The following MICU2 variants were observed in gnomAD, a reference collection of about 807,000 sequenced individuals.
The protein encoded by MICU2 is mitochondrial calcium uptake 2.
MICU2 carries 64 observed loss-of-function variants against 60.4 expected under a neutral mutation model. That is an observed-to-expected ratio of 1.06 (90% CI 0.87 to 1.31). The LOEUF (loss-of-function observed/expected upper bound fraction) is 1.31, where lower values mean the gene tolerates loss of function less well. MICU2 is among the 50% of genes most tolerant of loss of function. The probability of loss-of-function intolerance (pLI) is 0.00; values close to 1 mark genes in which losing one functional copy is unlikely to be tolerated. For missense variants in MICU2, 569 were observed against 531.0 expected, an observed-to-expected ratio of 1.07 and a Z score of -0.70; for synonymous variants, 201 against 175.0, an observed-to-expected ratio of 1.15 and a Z score of -1.17.
chr13:21,556,381 C>T (rs1887709492), intron 2 of MICU2, among the ~76,000 whole-genome samples: 1 of 152,148 alleles, frequency 6.6e-6, no homozygotes, highest in Non-Finnish European at 1.5e-5. Context: ...TTTTCCTTAT[C>T]TCTTCACCTC....
intron 1 of MICU2, among the ~76,000 whole-genome samples, chr13:21,568,261 G>C (rs1397924909): frequency 1.3e-5 from 2 of 152,088 alleles, no homozygotes. Flanking sequence ...TCAGTTCTCT[G>C]ACCAGTATTA....
chr13:21,522,588 CTG>C lies in MICU2; in HGVS notation c.514+13_514+14del, dbSNP rs771458447. 2.2e-4 allele frequency: 343 copies of C among 1,582,460 alleles called. No homozygotes were observed. Among genetic ancestry groups the C allele is most frequent in the Non-Finnish European group, 2.9e-4 (333 of 1,162,996 alleles). Reference sequence around the variant, plus strand: ...AATTCCACATGATCTCTGAGAAAAACTGTGGGATACTTACTAGTGAGGATTGT... The same window carrying C: ...AATTCCACATGATCTCTGAGAAAAACTGGGATACTTACTAGTGAGGATTGT... On this transcript the variant is annotated intron_variant, in intron 5 of 11. Coordinates refer to ENST00000382374, the MANE Select transcript of MICU2 (RefSeq NM_152726.3).
At chr13:21,559,607 C>T (rs1224169207) in intron 2 of MICU2, among the ~76,000 whole-genome samples, 1 of 151,976 alleles carries the variant, frequency 6.6e-6, no homozygotes, top group Admixed American at 6.6e-5. Flanking sequence ...TCCTAGCAAC[C>T]TCCACCTCTT....
chr13:21,533,145 G>A (rs546851429), intron 4 of MICU2, among the ~76,000 whole-genome samples: 14 of 152,188 alleles, frequency 9.2e-5, no homozygotes, highest in African/African-American at 3.4e-4. Flanking sequence ...CAGCAGATTT[G>A]GAGGTGAGTT....
intron 4 of MICU2, chr13:21,530,888 G>T: frequency 1.3e-6 from 1 of 757,994 alleles, no homozygotes. Context: ...TACAGCGACA[G>T]AGCAGAATGG....
intron 1 of MICU2, among the ~76,000 whole-genome samples, chr13:21,578,550 T>C (rs1011911985): frequency 3.3e-5 from 5 of 152,116 alleles, no homozygotes; most frequent in African/African-American, 9.7e-5. Flanking sequence ...TGAGCCATGA[T>C]TGCGCCACTG....
chr13:21,603,252 G>A (rs920855761), intron 1 of MICU2, among the ~76,000 whole-genome samples: 12 of 152,332 alleles, frequency 7.9e-5, no homozygotes, highest in Admixed American at 7.8e-4. Context: ...GATTAAAGGC[G>A]TGTGCCACCG....
At chr13:21,524,887 ACTTG>A (rs753672376) in intron 4 of MICU2, among the ~76,000 whole-genome samples, 1 of 152,086 alleles carries the variant, frequency 6.6e-6, no homozygotes, top group Non-Finnish European at 1.5e-5. Flanking sequence ...TCCTTTTGTG[ACTTG>A]CTTATTTCAC....
chr13:21,502,275 C>T (rs1474638952), intron 9 of MICU2, among the ~76,000 whole-genome samples: 4 of 151,922 alleles, frequency 2.6e-5, no homozygotes, highest in Admixed American at 2.6e-4. Flanking sequence ...ACATAAAATA[C>T]ATGTCCATTG....
intron 3 of MICU2, 40 bp downstream of exon 3, chr13:21,539,617 T>C (rs778885214): frequency 4.3e-6 from 7 of 1,613,652 alleles, no homozygotes; most frequent in Non-Finnish European, 5.9e-6. Context: ...TTTTCTATCT[T>C]ACCAAAAACA....
chr13:21,542,144 G>T (rs1004863311), intron 2 of MICU2, among the ~76,000 whole-genome samples: 1 of 152,080 alleles, frequency 6.6e-6, no homozygotes, highest in Non-Finnish European at 1.5e-5. Context: ...AGAGGTTGTG[G>T]TGTTTCTAAT....
intron 2 of MICU2, among the ~76,000 whole-genome samples, chr13:21,553,053 T>C (rs1480145465): frequency 6.6e-6 from 1 of 152,236 alleles, no homozygotes; most frequent in Non-Finnish European, 1.5e-5. Flanking sequence ...TGATTCTTCC[T>C]ACCCATGAGC....
At chr13:21,515,735 T>C (rs1886554834) in intron 6 of MICU2, 1 of 197,174 alleles carries the variant, frequency 5.1e-6, no homozygotes, top group African/African-American at 2.3e-5. Context: ...ATTTTGAATT[T>C]AGCTATTTCT....
At chr13:21,581,108 A>C (rs528706290) in intron 1 of MICU2, among the ~76,000 whole-genome samples, 1 of 152,360 alleles carries the variant, frequency 6.6e-6, no homozygotes, top group African/African-American at 2.4e-5. Flanking sequence ...GTTTAGATCT[A>C]GCCTTTGAAA....
Position 21,604,168 on chromosome 13 carries a change from G to T in MICU2, c.-20C>A, listed in dbSNP as rs2248433. The T allele has an allele frequency of 1.3e-5, 20 of 1,536,378 alleles. No homozygotes were observed. The Admixed American group carries it at 3.9e-4, about 30-fold the overall frequency. On this transcript the variant is annotated 5_prime_UTR_variant, in exon 1 of 12. Coordinates refer to ENST00000382374, the MANE Select transcript of MICU2 (RefSeq NM_152726.3). ...CGCCATCTTTGCGGAAGCGCAGCTAGGCGGCGCTTCTCTCCCGGCGCCGCC... is the reference window on the plus strand; with the variant it reads ...CGCCATCTTTGCGGAAGCGCAGCTATGCGGCGCTTCTCTCCCGGCGCCGCC...
rs375185650 is a variant in MICU2 at position 21,495,652 on chromosome 13, C to T, written c.1043-334G>A. On this transcript the variant is annotated intron_variant, in intron 10 of 11. Transcript: ENST00000382374. ...CCGGGTTCAAGCGATTCTCTTGCCT[C>T]GGCCTCCTGAATAGCTGGGATTACA... 340 of 232,890 alleles carry T rather than the reference C, an allele frequency of 1.5e-3. 1 individual carries two copies. Among genetic ancestry groups the T allele is most frequent in the African/African-American group, 7.4e-3 (324 of 43,822 alleles). The allele number at this position is 232,890 out of a possible 1,614,324, so 14.4% of individuals were successfully genotyped here.
intron 8 of MICU2, 137 bp downstream of exon 8, chr13:21,509,867 A>T (rs1886384291): frequency 2.0e-6 from 1 of 493,594 alleles, no homozygotes; most frequent in African/African-American, 2.1e-5. Flanking sequence ...TCAGAGATAA[A>T]TACTACACAG....
intron 11 of MICU2, among the ~76,000 whole-genome samples, chr13:21,494,403 A>T (rs1885939682): frequency 6.6e-6 from 1 of 152,154 alleles, no homozygotes; most frequent in Non-Finnish European, 1.5e-5. Flanking sequence ...TCTGAACAAA[A>T]ATCTGAATTT....
rs548338585 is a variant in MICU2 at position 21,542,414 on chromosome 13, T to TC, written c.359-2727_359-2726insG. On this transcript the variant is annotated intron_variant, in intron 2 of 11. Coordinates refer to ENST00000382374, the MANE Select transcript of MICU2 (RefSeq NM_152726.3). The stretch of plus-strand genomic sequence containing the variant: ...AATCTAATTTTTCCTTCTGTTTTTG[T>TC]TTGAGTTTGTTTTTTTCAATGTAGG... Among the ~76,000 whole-genome samples, 260 of 152,340 alleles carry TC rather than the reference T, an allele frequency of 1.7e-3. 3 individuals carry two copies. Among genetic ancestry groups the TC allele is most frequent in the African/African-American group, 6.1e-3 (252 of 41,590 alleles).
Sources: gnomAD v4.1 joint callset for allele counts (sites outside exome capture counted in the v4.1 genomes callset) on GRCh38, gnomAD v4.1.1 for gene constraint, MANE v1.5 for transcripts, NCBI Gene and HGNC (gene_info 2026-07-23, HGNC 2026-07-21) for gene names.